RIMBP2: variants seen among roughly 807,000 people sequenced by gnomAD.
RIMBP2 encodes the protein RIMS-binding protein 2.
In RIMBP2, 48 loss-of-function variants were observed where a neutral mutation model predicts 118.6. The ratio of observed to expected loss-of-function variants is 0.40; its 90% confidence interval spans 0.32 to 0.51. The LOEUF (loss-of-function observed/expected upper bound fraction) is 0.51. Ranked by LOEUF, RIMBP2 falls within the 20% of genes least tolerant of loss-of-function variation. RIMBP2 has a pLI of 0.41. For synonymous variants in RIMBP2, 762 were observed against 742.9 expected (o/e 1.03, Z -0.42); for missense variants, 1,551 against 1,768.3 (o/e 0.88, Z 2.20).
intron 2 of RIMBP2, among the ~76,000 whole-genome samples, chr12:130,562,435 A>G (rs1459606990): frequency 3.3e-5 from 5 of 152,112 alleles, no homozygotes; most frequent in Non-Finnish European, 7.4e-5. Flanking sequence ...CCTGGCTTCT[A>G]CTCTTTTCTG....
At chr12:130,707,929 G>GGA (rs144823670) in intron 1 of RIMBP2, among the ~76,000 whole-genome samples, 3 of 151,746 alleles carry the variant, frequency 2.0e-5, no homozygotes, top group Admixed American at 1.3e-4. Context: ...TGAGAGAGAG[G>GGA]GAGAGAGAGA....
At chr12:130,715,407 G>A (rs954069764) in intron 1 of RIMBP2, among the ~76,000 whole-genome samples, 13 of 152,218 alleles carry the variant, frequency 8.5e-5, no homozygotes, top group African/African-American at 2.6e-4. Context: ...CCGGGGACAG[G>A]AGGGAGGCTG....
chr12:130,512,436 C>T (rs1319706460), intron 3 of RIMBP2, among the ~76,000 whole-genome samples: 1 of 152,174 alleles, frequency 6.6e-6, no homozygotes. Flanking sequence ...GATGATTATG[C>T]CTTAGCCTCC....
At chr12:130,645,994 C>T (rs771310874) in intron 1 of RIMBP2, among the ~76,000 whole-genome samples, 1 of 152,114 alleles carries the variant, frequency 6.6e-6, no homozygotes, top group Non-Finnish European at 1.5e-5. Flanking sequence ...GGGAACAACA[C>T]TTTGCGTTTC....
intron 2 of RIMBP2, among the ~76,000 whole-genome samples, chr12:130,521,836 C>A (rs961242700): frequency 6.6e-5 from 10 of 152,108 alleles, no homozygotes; most frequent in Non-Finnish European, 1.5e-4. Context: ...GGCTTTTTTT[C>A]CAGGGAAGGA....
At chr12:130,426,034 A>G (rs1236103659) in intron 15 of RIMBP2, 1 of 152,336 alleles carries the variant, frequency 6.6e-6, no homozygotes, top group East Asian at 1.9e-4. Context: ...TGGAGCGAAT[A>G]AGGACATCGA....
intron 2 of RIMBP2, among the ~76,000 whole-genome samples, chr12:130,537,285 C>T (rs756472097): frequency 7.2e-5 from 11 of 152,220 alleles, no homozygotes; most frequent in South Asian, 6.2e-4. Context: ...ATTGGCTTTA[C>T]GCCAAAAGTT....
chr12:130,641,415 A>T (rs12822286), intron 1 of RIMBP2, among the ~76,000 whole-genome samples: 67 of 101,172 alleles, frequency 6.6e-4, no homozygotes, highest in African/African-American at 1.4e-3. Flanking sequence ...TCGGCCCGGC[A>T]TCACGGGCTG....
At position 130,701,419 on chromosome 12, in the gene RIMBP2, T is replaced by C. The variant is rs562010070; in HGVS notation, c.-352+14803A>G. 7.9e-5 allele frequency among the ~76,000 whole-genome samples: 12 copies of C among 152,330 alleles called. 1 individual carries two copies. In the South Asian group the frequency reaches 2.5e-3, roughly 32 times the overall value. On this transcript the variant is annotated intron_variant, in intron 1 of 22. Transcript: ENST00000690449. ...TACATCACACGTGGAACTGCTTGTATTGGAGTTTACAACCCCTGAAGACAC... is the reference window on the plus strand; with the variant it reads ...TACATCACACGTGGAACTGCTTGTACTGGAGTTTACAACCCCTGAAGACAC...
chr12:130,430,700 G>A (rs1238548445), intron 14 of RIMBP2: 1 of 135,132 alleles, frequency 7.4e-6, no homozygotes, highest in African/African-American at 2.8e-5. Context: ...TCACCATCTC[G>A]GTTCACTGCA....
rs539682312 is a variant in RIMBP2, at chr12:130,613,703, A to G, written c.-217+14619T>C. 2.0e-4 allele frequency among the ~76,000 whole-genome samples: 31 copies of G among 151,370 alleles called. No individual in the cohort carries two copies. The East Asian group carries it at 5.3e-3, about 26-fold the overall frequency. On this transcript the variant is annotated intron_variant, in intron 2 of 22. Coordinates refer to ENST00000690449, the MANE Select transcript of RIMBP2 (RefSeq NM_001393629.1). ...GTGGCGGGTGCCTGTGATCCCAGCT[A>G]CTCAGGAGGCTGAGGCAGGAGAATC...
intron 6 of RIMBP2, among the ~76,000 whole-genome samples, chr12:130,457,821 T>A (rs1275441050): frequency 1.3e-5 from 2 of 152,226 alleles, no homozygotes; most frequent in African/African-American, 2.4e-5. Flanking sequence ...AGGCGAGCCC[T>A]GAGCTGTGGG....
chr12:130,424,591 C>A lies in RIMBP2; in HGVS notation c.2680G>T (p.Val894Phe). 8.1e-7 allele frequency: 1 copy of A among 1,231,958 alleles called. No homozygotes were observed. The highest frequency in any genetic ancestry group is 1.0e-6 in the Non-Finnish European group (1 of 987,852). 76.3% of individuals were successfully genotyped at this position (1,231,958 alleles called of 1,614,324 possible). Residue 894 changes from valine to phenylalanine, a missense_variant, in exon 16 of 23, where the codon GTC becomes TTC. Val to Phe is a conservative substitution (Grantham distance 50). Coordinates refer to ENST00000690449, the MANE Select transcript of RIMBP2 (RefSeq NM_001393629.1). The surrounding 1 kb of genome is among the most constrained non-coding windows in gnomAD (Gnocchi z 9.8). ...FPVKHRGSGA[V>F]PHVEDFLLED... is the part of the protein sequence containing the mutation. ...AGAAGGAAGTCCTCCACGTGGGGGA[C>A]GGCCCCCGAGCCCCTGTGCTTCACC...
chr12:130,579,345 G>A (rs531324745), intron 2 of RIMBP2, among the ~76,000 whole-genome samples: 3 of 152,236 alleles, frequency 2.0e-5, no homozygotes, highest in African/African-American at 7.2e-5. Context: ...GTGCCGACGT[G>A]ACCAGTCCTC....
chr12:130,533,362 C>A (rs1315743767), intron 2 of RIMBP2, among the ~76,000 whole-genome samples: 6 of 152,210 alleles, frequency 3.9e-5, no homozygotes, highest in Admixed American at 1.3e-4. Context: ...GAGATATCTT[C>A]TTACCCCAGT....
chr12:130,633,702 C>T (rs1016791228), intron 1 of RIMBP2: 2 of 152,208 alleles, frequency 1.3e-5, no homozygotes, highest in Admixed American at 6.5e-5. Context: ...AACCCTTGCT[C>T]TACAGCCCAC....
In RIMBP2 at chr12:130,450,610, G is replaced by C. The variant is rs554460675; in HGVS notation, c.505-334C>G. 6.6e-6 allele frequency among the ~76,000 whole-genome samples: 1 copy of C among 151,276 alleles called. No homozygotes were observed. Among genetic ancestry groups the C allele is most frequent in the Non-Finnish European group, 1.5e-5 (1 of 67,924 alleles). On this transcript the variant is annotated intron_variant, in intron 8 of 22. Transcript: ENST00000690449. This position sits in a 1 kb window ranked among gnomAD's most constrained non-coding sequence, Gnocchi z 4.8. ...CGTGGCCTTTTCTCATAGGGGTGGG[G>C]GTAAAATTAAGCAGTATGTGCACGA...
At chr12:130,493,233 G>C (rs2048811683) in intron 4 of RIMBP2, among the ~76,000 whole-genome samples, 1 of 152,108 alleles carries the variant, frequency 6.6e-6, no homozygotes, top group South Asian at 2.1e-4. Flanking sequence ...CACTCGATTT[G>C]GCTTCTGTTA....
intron 16 of RIMBP2, among the ~76,000 whole-genome samples, chr12:130,423,692 T>A (rs1222689963): frequency 3.8e-5 from 2 of 52,898 alleles, no homozygotes; most frequent in Non-Finnish European, 3.9e-5. Flanking sequence ...TTCTTCAATC[T>A]TTTTTTTTTT....
Sources: allele counts gnomAD v4.1 joint callset (sites outside exome capture counted in the v4.1 genomes callset), GRCh38; gene constraint gnomAD v4.1.1; non-coding constraint Gnocchi (gnomAD v3.1); transcripts MANE v1.5; gene names NCBI Gene and HGNC (gene_info 2026-07-23, HGNC 2026-07-21).